SH3GL2: variants seen among roughly 807,000 people sequenced by gnomAD.
The protein encoded by SH3GL2 is endophilin-A1.
A neutral mutation model predicts 46.0 loss-of-function variants in SH3GL2; 24 were observed. The observed-to-expected ratio is 0.52, with a 90% CI of 0.38 to 0.73. SH3GL2 has a LOEUF of 0.73. Ranked by LOEUF, SH3GL2 falls within the 30% of genes least tolerant of loss-of-function variation. The pLI is 0.00. For missense variants in SH3GL2, 413 were observed against 424.2 expected, an observed-to-expected ratio of 0.97 and a Z score of 0.23; for synonymous variants, 196 against 147.1, an observed-to-expected ratio of 1.33 and a Z score of -2.40.
At chr9:17,750,066 CTA>C (rs1406961572) in intron 2 of SH3GL2, among the ~76,000 whole-genome samples, 6 of 152,072 alleles carry the variant, frequency 3.9e-5, no homozygotes, top group Admixed American at 1.3e-4. Flanking sequence ...GTTTCTGTCT[CTA>C]TTGCAAATTT....
chr9:17,618,535 G>C (rs1588177286), intron 1 of SH3GL2, among the ~76,000 whole-genome samples: 2 of 152,140 alleles, frequency 1.3e-5, no homozygotes, highest in Non-Finnish European at 2.9e-5. Flanking sequence ...TCATAATTCA[G>C]TTAGCAGTAA....
intron 1 of SH3GL2, among the ~76,000 whole-genome samples, chr9:17,623,847 T>C (rs1227755598): frequency 6.6e-6 from 1 of 152,150 alleles, no homozygotes; most frequent in African/African-American, 2.4e-5. Context: ...TATTCTCTTA[T>C]ACTATAACCG....
chr9:17,624,441 A>G (rs915094824), intron 1 of SH3GL2, among the ~76,000 whole-genome samples: 1 of 152,226 alleles, frequency 6.6e-6, no homozygotes, highest in African/African-American at 2.4e-5. Context: ...TAGGTGCGCA[A>G]ACATGATTTT....
intron 2 of SH3GL2, among the ~76,000 whole-genome samples, chr9:17,760,658 A>G (rs1823143693): frequency 6.6e-6 from 1 of 152,174 alleles, no homozygotes; most frequent in Non-Finnish European, 1.5e-5. Flanking sequence ...GTCATATATT[A>G]CATGTACATA....
At chr9:17,586,528 C>T (rs769094634) in intron 1 of SH3GL2, among the ~76,000 whole-genome samples, 31 of 152,058 alleles carry the variant, frequency 2.0e-4, no homozygotes, top group Admixed American at 3.3e-4. Flanking sequence ...AAGGCATACC[C>T]GAGACTGGGT....
At chr9:17,718,621 AG>A (rs753607652) in intron 1 of SH3GL2, among the ~76,000 whole-genome samples, 11 of 152,104 alleles carry the variant, frequency 7.2e-5, no homozygotes, top group Non-Finnish European at 1.0e-4. Context: ...CCACTGACTC[AG>A]GGGGCTGAGA....
chr9:17,651,329 A>G (rs1402746456), intron 1 of SH3GL2, among the ~76,000 whole-genome samples: 1 of 152,176 alleles, frequency 6.6e-6, no homozygotes, highest in African/African-American at 2.4e-5. Flanking sequence ...ATGTTGACTC[A>G]TCTCATCCAC....
chr9:17,732,671 A>C (rs1279506726), intron 1 of SH3GL2, among the ~76,000 whole-genome samples: 2 of 152,134 alleles, frequency 1.3e-5, no homozygotes, highest in African/African-American at 4.8e-5. Flanking sequence ...TAGTGATAAT[A>C]TGATTCAATA....
intron 1 of SH3GL2, among the ~76,000 whole-genome samples, chr9:17,667,239 C>G (rs1332217627): frequency 6.6e-6 from 1 of 151,960 alleles, no homozygotes; most frequent in Middle Eastern, 3.2e-3. Flanking sequence ...TAACATTAAT[C>G]CTTTAAAAGT....
intron 1 of SH3GL2, among the ~76,000 whole-genome samples, chr9:17,699,200 A>G (rs1434110966): frequency 6.7e-6 from 1 of 149,612 alleles, no homozygotes; most frequent in Non-Finnish European, 1.5e-5. Context: ...GACATGGGGG[A>G]GGAAAAGCCA....
At chr9:17,746,368 G>A (rs1360175745) in intron 1 of SH3GL2, among the ~76,000 whole-genome samples, 3 of 152,006 alleles carry the variant, frequency 2.0e-5, no homozygotes, top group African/African-American at 2.4e-5. Flanking sequence ...GAGTCACTGC[G>A]CCCGGCCCTA....
chr9:17,719,127 T>C (rs1821830935), intron 1 of SH3GL2, among the ~76,000 whole-genome samples: 1 of 152,142 alleles, frequency 6.6e-6, no homozygotes, highest in African/African-American at 2.4e-5. Flanking sequence ...TGGAATAATA[T>C]GGTCTACCTA....
At chr9:17,631,255 C>G (rs1819415358) in intron 1 of SH3GL2, among the ~76,000 whole-genome samples, 1 of 152,188 alleles carries the variant, frequency 6.6e-6, no homozygotes, top group Non-Finnish European at 1.5e-5. Flanking sequence ...TTTCTCTCAT[C>G]CATCCCCCTG....
At chr9:17,625,392 C>T (rs1819258803) in intron 1 of SH3GL2, among the ~76,000 whole-genome samples, 1 of 152,158 alleles carries the variant, frequency 6.6e-6, no homozygotes, top group South Asian at 2.1e-4. Flanking sequence ...TTACAGTCCA[C>T]CTCCTTTCAT....
intron 1 of SH3GL2, among the ~76,000 whole-genome samples, chr9:17,604,036 T>A (rs1300212689): frequency 1.3e-5 from 2 of 152,196 alleles, no homozygotes; most frequent in Non-Finnish European, 2.9e-5. Context: ...TAGTTTCTGG[T>A]CATGGTGGGG....
chr9:17,789,245 C>T (rs2131189706), intron 5 of SH3GL2, 147 bp from the exon 6 acceptor site: 3 of 614,124 alleles, frequency 4.9e-6, no homozygotes, highest in South Asian at 2.1e-5. Flanking sequence ...CCCATTGATG[C>T]ATGTTTCTTT....
rs114612799 is a variant in SH3GL2 at position 17,638,182 on chromosome 9, A to G, written c.45+58895A>G. ...AAAAAAAAAACAAAAAAACAAAAAA[A>G]CCACTGATTTCATAGCACTGATGTT... On this transcript the variant is annotated intron_variant, in intron 1 of 8. Transcript: ENST00000380607. Among the ~76,000 whole-genome samples, 3 of 152,062 alleles carry G rather than the reference A, an allele frequency of 2.0e-5. No homozygotes were observed. The East Asian group carries it at 5.8e-4, about 29-fold the overall frequency.
In SH3GL2 at chr9:17,609,796, G is replaced by A. The variant is rs117787798; in HGVS notation, c.45+30509G>A. On this transcript the variant is annotated intron_variant, in intron 1 of 8. Transcript: ENST00000380607. ...AGGCTCCCCCTTGAGAAGGGCATGT[G>A]CTACTCAGCTCATGGCATCTGGGCT... Among the ~76,000 whole-genome samples, 18 of 152,304 alleles carry A rather than the reference G, an allele frequency of 1.2e-4. No individual in the cohort carries two copies. In the East Asian group the frequency reaches 3.5e-3, roughly 29 times the overall value.
intron 3 of SH3GL2, among the ~76,000 whole-genome samples, chr9:17,779,545 C>A (rs1588328958): frequency 2.0e-5 from 3 of 152,216 alleles, no homozygotes; most frequent in Admixed American, 2.0e-4. Flanking sequence ...TGAACCAAAC[C>A]CACAGAGTTG....
Sources: allele counts gnomAD v4.1 joint callset (sites outside exome capture counted in the v4.1 genomes callset), GRCh38; gene constraint gnomAD v4.1.1; transcripts MANE v1.5; gene names NCBI Gene and HGNC (gene_info 2026-07-23, HGNC 2026-07-21).